The following NCSTN variants were observed in gnomAD, a reference collection of about 807,000 sequenced individuals.
NCSTN encodes anterior pharynx-defective 2.
In NCSTN, 22 loss-of-function variants were observed where a neutral mutation model predicts 87.0. That is an observed-to-expected ratio of 0.25 (90% CI 0.18 to 0.36). NCSTN has a LOEUF of 0.36. Ranked by LOEUF, NCSTN falls within the 10% of genes least tolerant of loss-of-function variation. The pLI is 1.00. For missense variants in NCSTN, 693 were observed against 883.3 expected (o/e 0.78, Z 2.73); for synonymous variants, 306 against 327.1 (o/e 0.94, Z 0.69).
intron 10 of NCSTN, chr1:160,353,583 A>C: frequency 8.2e-7 from 1 of 1,222,482 alleles, no homozygotes; most frequent in Non-Finnish European, 1.0e-6. Flanking sequence ...TGGCTGTGTC[A>C]CACTCGCTGC....
intron 10 of NCSTN, 139 bp downstream of exon 10, chr1:160,353,376 G>A: frequency 6.5e-7 from 1 of 1,544,234 alleles, no homozygotes; most frequent in South Asian, 1.2e-5. Context: ...GCCAAAGGAT[G>A]AACACCACAG....
intron 13 of NCSTN, 24 bp from the exon 14 acceptor site, chr1:160,356,234 TTC>T (rs779590499): frequency 1.2e-4 from 185 of 1,562,472 alleles, no homozygotes; most frequent in Middle Eastern, 5.0e-4. Flanking sequence ...TCACAGGGTT[TTC>T]TCTCTTTACT....
At chr1:160,344,972 C>A in intron 2 of NCSTN, 146 bp downstream of exon 2, 1 of 744,218 alleles carries the variant, frequency 1.3e-6, no homozygotes, top group Non-Finnish European at 2.4e-6. Context: ...TCAAGCTAGG[C>A]AAGATAATTA....
At position 160,343,403 on chromosome 1, in the gene NCSTN, A is replaced by G; in HGVS notation, c.7A>G (p.Thr3Ala). Residue 3 changes from threonine (T) to alanine (A), a missense_variant, in exon 1 of 17, where the codon ACG (threonine) becomes GCG (alanine). Thr to Ala is a moderately conservative substitution (Grantham distance 58). Around this residue, in one of 4 missense-constraint regions of NCSTN, gnomAD observed 235 missense variants for 233.9 expected, o/e 1.00. Coordinates refer to ENST00000294785, the MANE Select transcript of NCSTN (RefSeq NM_015331.3). MATAGGGSGADPG... is the reference protein window; with the variant it reads MAAAGGGSGADPG... The stretch of plus-strand genomic sequence containing the variant: ...CGCTCAGCAGAGAGGCAAGATGGCT[A>G]CGGCAGGGGGTGGCTCTGGGGCTGA... 1.9e-6 allele frequency: 3 copies of G among 1,613,152 alleles called. No homozygotes were observed. Among genetic ancestry groups the G allele is most frequent in the Non-Finnish European group, 2.5e-6 (3 of 1,179,766 alleles).
intron 2 of NCSTN, 25 bp downstream of exon 2, chr1:160,344,851 G>C: frequency 6.3e-7 from 1 of 1,575,272 alleles, no homozygotes; most frequent in South Asian, 1.1e-5. Context: ...ATTCATGTTT[G>C]TGGACATTGA....
chr1:160,353,797 C>A, intron 10 of NCSTN: 1 of 855,116 alleles, frequency 1.2e-6, no homozygotes, highest in Non-Finnish European at 1.4e-6. Flanking sequence ...TATTTGCTCC[C>A]TTCAATTCTG....
At chr1:160,347,221 A>G (rs1304550002) in intron 2 of NCSTN, among the ~76,000 whole-genome samples, 1 of 152,168 alleles carries the variant, frequency 6.6e-6, no homozygotes, top group African/African-American at 2.4e-5. Context: ...CTTATTTCCA[A>G]ATCTTACTTC....
intron 1 of NCSTN, chr1:160,343,941 T>C (rs1648277641): frequency 4.2e-6 from 1 of 235,826 alleles, no homozygotes; most frequent in Admixed American, 5.8e-5. Context: ...TGTGTCCCCC[T>C]GCCTTGCCTC....
At chr1:160,350,006 ACT>A in intron 4 of NCSTN, 97 bp from the exon 5 acceptor site, 1 of 1,430,836 alleles carries the variant, frequency 7.0e-7, no homozygotes, top group Non-Finnish European at 9.9e-7. Flanking sequence ...CTCCTTTTGA[ACT>A]CTTAGTCCCA....
At position 160,354,263 on chromosome 1, in the gene NCSTN, C is replaced by G; in HGVS notation, c.1325C>G (p.Ala442Gly). 6.2e-7 allele frequency: 1 copy of G among 1,614,184 alleles called. No individual in the cohort carries two copies. Among genetic ancestry groups the G allele is most frequent in the Non-Finnish European group, 8.5e-7 (1 of 1,180,028 alleles). Reference protein sequence around the residue: ...RARNISGVVLADHSGAFHNKY... With the variant: ...RARNISGVVLGDHSGAFHNKY... ...CGAAACATCTCTGGCGTTGTTCTGG[C>G]TGACCACTCTGGTGCCTTCCATAAC... The change falls in exon 11 of 17, where the codon GCT becomes GGT. Residue 442 changes from alanine to glycine, a missense_variant. Transcript: ENST00000294785.
At chr1:160,355,537 C>G (rs1435789876) in intron 11 of NCSTN, 118 bp from the exon 12 acceptor site, 1 of 784,068 alleles carries the variant, frequency 1.3e-6, no homozygotes, top group Admixed American at 1.8e-5. Context: ...TGTCTCTCAC[C>G]CCTTTCTTCT....
At position 160,351,297 on chromosome 1, in the gene NCSTN, C is replaced by T; in HGVS notation, c.658C>T (p.His220Tyr). The T allele has an allele frequency of 1.2e-6, 2 of 1,614,160 alleles. No individual in the cohort carries two copies. The highest frequency in any genetic ancestry group is 1.3e-5 in the African/African-American group (1 of 75,024). ...FPLCAMQLFS[H>Y]MHAVISTATC... Reference sequence around the variant, plus strand: ...ACTATGTGCCATGCAGCTCTTTTCACACATGCATGCTGTCATCAGCACTGC... The same window carrying T: ...ACTATGTGCCATGCAGCTCTTTTCATACATGCATGCTGTCATCAGCACTGC... The change falls in exon 6 of 17, where the codon CAC becomes TAC. Residue 220 changes from histidine to tyrosine, a missense_variant. His to Tyr is a moderately conservative substitution (Grantham distance 83). This residue lies in a region of NCSTN where 134 missense variants were observed against 226.0 expected (regional missense o/e 0.59). Transcript: ENST00000294785.
chr1:160,344,017 A>G (rs1648292817), intron 1 of NCSTN: 1 of 242,334 alleles, frequency 4.1e-6, no homozygotes, highest in African/African-American at 2.6e-5. Context: ...GGGTACTCTT[A>G]ACTGTGAAGA....
At chr1:160,357,893 C>T (rs1012168293) in intron 16 of NCSTN, among the ~76,000 whole-genome samples, 1 of 152,200 alleles carries the variant, frequency 6.6e-6, no homozygotes, top group African/African-American at 2.4e-5. Context: ...GGAACCAAAG[C>T]CATGGGCCCT....
chr1:160,358,636 C>T lies in NCSTN; in HGVS notation c.*365C>T. 1 of 344,260 alleles carries T rather than the reference C, an allele frequency of 2.9e-6. No homozygotes were observed. Among genetic ancestry groups the T allele is most frequent in the South Asian group, 2.4e-5 (1 of 41,250 alleles). 21.3% of individuals were successfully genotyped at this position (344,260 alleles called of 1,614,324 possible). A position where few individuals can be genotyped will look rare whatever the true frequency, so the allele number is the denominator to read the frequency against. ...TGTACCTCTCTCTGCTCCTCACCCC[C>T]ACCCCTGTACCCAGCCACCTTCCTG... On this transcript the variant is annotated 3_prime_UTR_variant, in exon 17 of 17. Coordinates refer to ENST00000294785, the MANE Select transcript of NCSTN (RefSeq NM_015331.3).
At position 160,355,699 on chromosome 1, in the gene NCSTN, G is replaced by T; in HGVS notation, c.1397G>T (p.Ser466Ile). 6.2e-7 allele frequency: 1 copy of T among 1,614,208 alleles called. No individual in the cohort carries two copies. The change falls in exon 12 of 17, where the codon AGC becomes ATC. Residue 466 changes from serine to isoleucine, a missense_variant. Physicochemically the swap from Ser to Ile is moderately radical, Grantham distance 142. Around this residue, in one of 4 missense-constraint regions of NCSTN, gnomAD observed 216 missense variants for 311.7 expected, o/e 0.69. Transcript: ENST00000294785. ...IYDTAENINV[S>I]YPEWLSPEED... ...GACACTGCTGAGAACATTAATGTGAGCTATCCCGAATGGCTGAGCCCTGAA... is the reference window on the plus strand; with the variant it reads ...GACACTGCTGAGAACATTAATGTGATCTATCCCGAATGGCTGAGCCCTGAA...
chr1:160,354,784 G>T (rs1292858230), intron 11 of NCSTN, among the ~76,000 whole-genome samples: 2 of 152,130 alleles, frequency 1.3e-5, no homozygotes, highest in African/African-American at 4.8e-5. Flanking sequence ...TAGCTGATGG[G>T]GCTCCAGAGA....
In NCSTN at chr1:160,358,178, C is replaced by G; in HGVS notation, c.2037C>G (p.Ile679Met). 4.3e-6 allele frequency: 7 copies of G among 1,614,168 alleles called. No homozygotes were observed. Among genetic ancestry groups the G allele is most frequent in the Non-Finnish European group, 5.9e-6 (7 of 1,180,036 alleles). The change falls in exon 17 of 17, where the codon ATC becomes ATG. Residue 679 changes from isoleucine (I) to methionine (M), a missense_variant. This residue lies in a region of NCSTN where 216 missense variants were observed against 311.7 expected (regional missense o/e 0.69). Transcript: ENST00000294785. ...ELITLTVGFG[I>M]LIFSLIVTYC... ...TCACCCTGACAGTGGGCTTCGGCAT[C>G]CTCATCTTCTCCCTCATCGTCACCT...
chr1:160,344,649 C>G (rs1170447060), intron 1 of NCSTN, 73 bp from the exon 2 acceptor site: 10 of 1,592,546 alleles, frequency 6.3e-6, no homozygotes, highest in Non-Finnish European at 8.6e-6. Context: ...AGCCATACTT[C>G]AGGTTAATGA....
Sources: gnomAD v4.1 joint callset for allele counts (sites outside exome capture counted in the v4.1 genomes callset) on GRCh38, gnomAD v4.1.1 for gene constraint, gnomAD v4.1.1 regional missense constraint, MANE v1.5 for transcripts, NCBI Gene and HGNC (gene_info 2026-07-23, HGNC 2026-07-21) for gene names.